The following WWOX variants were observed in gnomAD, a reference collection of about 807,000 sequenced individuals.
WWOX encodes the protein WW domain-containing oxidoreductase.
WWOX carries 69 observed loss-of-function variants against 46.2 expected under a neutral mutation model. The observed-to-expected ratio is 1.49, with a 90% CI of 1.23 to 1.82. The LOEUF (loss-of-function observed/expected upper bound fraction) is 1.82, where lower values mean the gene tolerates loss of function less well. WWOX is among the 40% of genes most tolerant of loss of function. The pLI, the probability that WWOX is intolerant of heterozygous loss-of-function variation, is 0.00. For missense variants in WWOX, 919 were observed against 542.6 expected (o/e 1.69, Z -6.89); for synonymous variants, 359 against 202.6 (o/e 1.77, Z -6.56).
At chr16:78,966,884 T>G (rs1567444916) in intron 8 of WWOX, among the ~76,000 whole-genome samples, 1 of 152,118 alleles carries the variant, frequency 6.6e-6, no homozygotes, top group African/African-American at 2.4e-5. Context: ...CCTCATAGAG[T>G]TGCAGTGGAG....
chr16:78,566,444 G>A (rs530521534), intron 8 of WWOX, among the ~76,000 whole-genome samples: 2 of 152,320 alleles, frequency 1.3e-5, no homozygotes, highest in Admixed American at 6.5e-5. Context: ...CAAAAACCAA[G>A]TTTTGCTGCC....
chr16:78,196,803 A>T (rs1452158033), intron 5 of WWOX, among the ~76,000 whole-genome samples: 1 of 152,212 alleles, frequency 6.6e-6, no homozygotes, highest in South Asian at 2.1e-4. Context: ...CAGGTAGCAA[A>T]GTTTCTGCTA....
At chr16:79,143,441 G>T (rs1002407926) in intron 8 of WWOX, among the ~76,000 whole-genome samples, 11 of 152,184 alleles carry the variant, frequency 7.2e-5, no homozygotes, top group African/African-American at 2.4e-4. Flanking sequence ...TACCTGAACG[G>T]TGGTGTATTC....
rs928579282 is a variant in WWOX at position 79,048,496 on chromosome 16, C to T, written c.1057-163112C>T. 5.3e-5 allele frequency among the ~76,000 whole-genome samples: 8 copies of T among 151,944 alleles called. 1 individual carries two copies. The highest frequency in any genetic ancestry group is 2.0e-4 in the Admixed American group (3 of 15,248). On this transcript the variant is annotated intron_variant, in intron 8 of 8. Coordinates refer to ENST00000566780, the MANE Select transcript of WWOX (RefSeq NM_016373.4). ...TCTCCTGTGCTTTGTCTTGGTGCTT[C>T]GTTTCTGTAGCAGTAATCATATATA... is the stretch of plus-strand genomic sequence containing the variant.
chr16:78,678,529 G>T (rs972709374), intron 8 of WWOX, among the ~76,000 whole-genome samples: 2 of 152,322 alleles, frequency 1.3e-5, no homozygotes, highest in South Asian at 4.1e-4. Context: ...AGCTGGGCAA[G>T]GCGGAGATCC....
chr16:79,153,485 G>A (rs8048811), intron 8 of WWOX, among the ~76,000 whole-genome samples: 12,373 of 152,120 alleles, frequency 0.081, 889 homozygotes, highest in African/African-American at 0.19. Flanking sequence ...GCCTTTTGTC[G>A]TTATGTCTAG....
intron 8 of WWOX, among the ~76,000 whole-genome samples, chr16:78,949,532 G>A (rs1260418247): frequency 6.6e-6 from 1 of 152,156 alleles, no homozygotes; most frequent in African/African-American, 2.4e-5. Flanking sequence ...GTCATACTCA[G>A]CCTAATTATT....
intron 8 of WWOX, among the ~76,000 whole-genome samples, chr16:78,844,447 A>G (rs377259147): frequency 5.8e-4 from 89 of 152,256 alleles, no homozygotes; most frequent in African/African-American, 2.0e-3. Context: ...CTCACTGAAG[A>G]TAATAGGGAA....
intron 8 of WWOX, among the ~76,000 whole-genome samples, chr16:78,681,674 G>A (rs970382803): frequency 6.6e-6 from 1 of 152,190 alleles, no homozygotes; most frequent in African/African-American, 2.4e-5. Flanking sequence ...TGAATTACAG[G>A]TGTTAACCTG....
chr16:79,187,555 C>G (rs2017466), intron 8 of WWOX, among the ~76,000 whole-genome samples: 74,258 of 151,714 alleles, frequency 0.49, 18,944 homozygotes, highest in East Asian at 0.74. Context: ...CCCCTCCACA[C>G]CGCACACCGC....
At chr16:79,204,657 G>C (rs371908) in intron 8 of WWOX, 114,074 of 152,096 alleles carry the variant, frequency 0.75, 43,687 homozygotes, top group Non-Finnish European at 0.82. Flanking sequence ...CAGGCCCTGA[G>C]AGCGTACCAA....
In WWOX at chr16:79,036,525, C is replaced by A. The variant is rs1042657815; in HGVS notation, c.1057-175083C>A. On this transcript the variant is annotated intron_variant, in intron 8 of 8. Transcript: ENST00000566780. ...CTCCGAGCAGCTCCTAAGGAAGTGC[C>A]AGAGTCAGGGCTTTCCTCTGCCTGA... Among the ~76,000 whole-genome samples the A allele has an allele frequency of 3.9e-5, 6 of 152,190 alleles. No individual in the cohort carries two copies. The East Asian group carries it at 1.2e-3, about 29-fold the overall frequency.
intron 8 of WWOX, among the ~76,000 whole-genome samples, chr16:79,019,822 T>C (rs922662089): frequency 6.6e-6 from 1 of 152,176 alleles, no homozygotes; most frequent in Admixed American, 6.5e-5. Context: ...TAATCTTTTC[T>C]AGCTGGTCAT....
intron 5 of WWOX, among the ~76,000 whole-genome samples, chr16:78,366,720 A>C (rs4888793): frequency 0.51 from 78,224 of 152,018 alleles, 21,768 homozygotes; most frequent in Non-Finnish European, 0.63. Context: ...TAAAATGCTT[A>C]CTATCTGGCC....
At chr16:78,305,241 C>T (rs575400473) in intron 5 of WWOX, among the ~76,000 whole-genome samples, 23 of 152,164 alleles carry the variant, frequency 1.5e-4, no homozygotes, top group South Asian at 1.5e-3. Context: ...TGGGGGACTA[C>T]GTTTTTCATG....
At chr16:79,085,113 A>G (rs184388682) in intron 8 of WWOX, among the ~76,000 whole-genome samples, 54 of 152,340 alleles carry the variant, frequency 3.5e-4, no homozygotes, top group African/African-American at 1.1e-3. Context: ...ATACATATAT[A>G]TATACAATAT....
At chr16:78,314,390 A>C (rs1282794908) in intron 5 of WWOX, among the ~76,000 whole-genome samples, 1 of 124,210 alleles carries the variant, frequency 8.1e-6, no homozygotes. Context: ...TGAGCAACAG[A>C]GTGAGACTCT....
At chr16:78,536,100 G>A (rs1484905198) in intron 8 of WWOX, among the ~76,000 whole-genome samples, 1 of 152,158 alleles carries the variant, frequency 6.6e-6, no homozygotes, top group Non-Finnish European at 1.5e-5. Context: ...CTTGTATACA[G>A]TAAGCATTCA....
At chr16:78,218,133 C>A (rs1047765635) in intron 5 of WWOX, among the ~76,000 whole-genome samples, 2 of 152,146 alleles carry the variant, frequency 1.3e-5, no homozygotes, top group African/African-American at 4.8e-5. Flanking sequence ...CAGCTCACTG[C>A]AGCCTGTAAC....
Sources: allele counts gnomAD v4.1 joint callset (sites outside exome capture counted in the v4.1 genomes callset), GRCh38; gene constraint gnomAD v4.1.1; transcripts MANE v1.5; gene names NCBI Gene and HGNC (gene_info 2026-07-23, HGNC 2026-07-21).